BICRAL: variants seen among roughly 807,000 people sequenced by gnomAD.
BICRAL encodes BICRA like chromatin remodeling complex associated protein.
In BICRAL, 8 loss-of-function variants were observed where a neutral mutation model predicts 91.8. That is an observed-to-expected ratio of 0.09 (90% CI 0.05 to 0.16). The LOEUF (loss-of-function observed/expected upper bound fraction) is 0.16. BICRAL is among the 10% of genes least tolerant of loss of function. BICRAL has a pLI of 1.00. For missense variants in BICRAL, 1,038 were observed against 1,310.9 expected (o/e 0.79, Z 3.21); for synonymous variants, 445 against 491.1 (o/e 0.91, Z 1.24).
chr6:42,783,036 C>A (rs1376172422), intron 1 of BICRAL, among the ~76,000 whole-genome samples: 1 of 151,760 alleles, frequency 6.6e-6, no homozygotes, highest in Non-Finnish European at 1.5e-5. Context: ...TTCATCCTGG[C>A]TTCCCCATTC....
At chr6:42,860,416 C>T in intron 11 of BICRAL, 60 bp downstream of exon 11, 1 of 932,234 alleles carries the variant, frequency 1.1e-6, no homozygotes. Context: ...GCCACTAAAT[C>T]AGAGACAGAA....
intron 1 of BICRAL, among the ~76,000 whole-genome samples, chr6:42,786,531 T>G (rs1348210817): frequency 6.6e-6 from 1 of 152,196 alleles, no homozygotes; most frequent in Non-Finnish European, 1.5e-5. Context: ...TTAACCTTGT[T>G]GGAATTTTAA....
At chr6:42,833,119 G>A (rs907577032) in intron 6 of BICRAL, among the ~76,000 whole-genome samples, 4 of 149,306 alleles carry the variant, frequency 2.7e-5, no homozygotes, top group Non-Finnish European at 4.4e-5. Flanking sequence ...GCAGTAGCCC[G>A]ATCTCAGCTC....
chr6:42,837,263 C>T (rs1474900016), intron 6 of BICRAL, among the ~76,000 whole-genome samples: 1 of 151,794 alleles, frequency 6.6e-6, no homozygotes, highest in African/African-American at 2.4e-5. Context: ...TGTAATATTT[C>T]TATATAAATT....
chr6:42,853,580 A>G (rs1005624211), intron 7 of BICRAL, 58 bp from the exon 8 acceptor site: 18 of 1,260,094 alleles, frequency 1.4e-5, no homozygotes, highest in Non-Finnish European at 2.0e-5. Context: ...CTAGGGTTAT[A>G]TGATGGACCC....
At chr6:42,754,866 A>C (rs946213557) in intron 1 of BICRAL, among the ~76,000 whole-genome samples, 3 of 152,268 alleles carry the variant, frequency 2.0e-5, no homozygotes, top group African/African-American at 7.2e-5. Flanking sequence ...ACTGCACTTC[A>C]GCCTGGGCAA....
intron 2 of BICRAL, among the ~76,000 whole-genome samples, chr6:42,815,443 C>A (rs549460244): frequency 1.3e-5 from 2 of 152,056 alleles, no homozygotes; most frequent in African/African-American, 4.8e-5. Flanking sequence ...CCGCCCATCT[C>A]GGCCTCCCAA....
intron 1 of BICRAL, among the ~76,000 whole-genome samples, chr6:42,804,967 G>T (rs898317433): frequency 2.0e-5 from 3 of 152,158 alleles, no homozygotes; most frequent in Non-Finnish European, 4.4e-5. Flanking sequence ...CTCCCAGAGT[G>T]CTGGGATTAC....
At chr6:42,848,145 CAG>C (rs947202530) in intron 6 of BICRAL, among the ~76,000 whole-genome samples, 2 of 148,644 alleles carry the variant, frequency 1.3e-5, no homozygotes, top group African/African-American at 5.0e-5. Context: ...AAAAAAAAAA[CAG>C]AAAACAGAAA....
chr6:42,769,721 G>C lies in BICRAL; in HGVS notation c.-260-12118G>C, dbSNP rs556097689. Among the ~76,000 whole-genome samples the C allele has an allele frequency of 2.6e-5, 4 of 152,184 alleles. No homozygotes were observed. The South Asian group carries it at 8.3e-4, about 32-fold the overall frequency. On this transcript the variant is annotated intron_variant, in intron 1 of 14. Coordinates refer to the BICRAL transcript ENST00000614467. ...TACTGCTACCACATTTATCCTCATG[G>C]AATTCAAATCTGTTCATAGCATTCT...
In BICRAL at chr6:42,857,246, C is replaced by T; in HGVS notation, c.2254+10C>T. 2 of 1,609,098 alleles carry T rather than the reference C, an allele frequency of 1.2e-6. No individual in the cohort carries two copies. Among genetic ancestry groups the T allele is most frequent in the South Asian group, 1.1e-5 (1 of 90,712 alleles). On this transcript the variant is annotated intron_variant, in intron 10 of 12. Coordinates refer to ENST00000314073, the MANE Select transcript of BICRAL (RefSeq NM_001393499.1). ...GAAGACTTGAGAAAAGGTAAGCAGG[C>T]TGGGACCCTAAGGCACCACTCTGAT...
intron 8 of BICRAL, among the ~76,000 whole-genome samples, chr6:42,855,068 A>G (rs1765306260): frequency 6.6e-6 from 1 of 152,208 alleles, no homozygotes; most frequent in African/African-American, 2.4e-5. Context: ...GGATCTGTTC[A>G]GTTCTAAGGT....
chr6:42,867,155 T>C lies in BICRAL; in HGVS notation c.*1709T>C, dbSNP rs758819465. The C allele has an allele frequency of 1.1e-4, 26 of 230,830 alleles. No homozygotes were observed. In the Middle Eastern group the frequency reaches 4.7e-3, roughly 42 times the overall value. The allele number at this position is 230,830 out of a possible 1,614,324, so 14.3% of individuals were successfully genotyped here. A position where few individuals can be genotyped will look rare whatever the true frequency, so the allele number is the denominator to read the frequency against. The stretch of plus-strand genomic sequence containing the variant: ...TTGTCATCATGTTGGGCATTTCTTT[T>C]CCAGATTGGCCTGTGATGGAAAGGA... On this transcript the variant is annotated 3_prime_UTR_variant, in exon 13 of 13. Coordinates refer to ENST00000314073, the MANE Select transcript of BICRAL (RefSeq NM_001393499.1).
chr6:42,773,667 G>A (rs1299316013), intron 1 of BICRAL, among the ~76,000 whole-genome samples: 3 of 151,690 alleles, frequency 2.0e-5, no homozygotes, highest in Non-Finnish European at 2.9e-5. Flanking sequence ...GGCGCCCACC[G>A]CCACGCCCAG....
intron 1 of BICRAL, among the ~76,000 whole-genome samples, chr6:42,772,695 T>C (rs1405859130): frequency 6.6e-6 from 1 of 152,148 alleles, no homozygotes; most frequent in East Asian, 1.9e-4. Flanking sequence ...GATGAAGGTG[T>C]GACACAACCA....
rs779461468 is a variant in BICRAL, at chr6:42,857,141, A to G, written c.2159A>G (p.Lys720Arg). Reference protein sequence around the residue: ...RDQAHTVTPDKSHFRSLSDAV... With the variant: ...RDQAHTVTPDRSHFRSLSDAV... ...CAAGCCCACACTGTGACACCAGACA[A>G]AAGTCACTTCCGATCACTAAGTGAT... The change falls in exon 10 of 13, where the codon AAA (lysine) becomes AGA (arginine). Residue 720 changes from lysine to arginine, a missense_variant. By Grantham distance (26) the Lys-to-Arg change is conservative. This residue lies in a region of BICRAL where 532 missense variants were observed against 724.9 expected (regional missense o/e 0.73). Coordinates refer to ENST00000314073, the MANE Select transcript of BICRAL (RefSeq NM_001393499.1). 6.2e-7 allele frequency: 1 copy of G among 1,613,660 alleles called. No individual in the cohort carries two copies. The highest frequency in any genetic ancestry group is 8.5e-7 in the Non-Finnish European group (1 of 1,179,622).
intron 6 of BICRAL, among the ~76,000 whole-genome samples, chr6:42,847,984 C>T (rs1765068566): frequency 6.6e-6 from 1 of 152,054 alleles, no homozygotes; most frequent in African/African-American, 2.4e-5. Flanking sequence ...AAAAAATTAG[C>T]CCGGTATGGT....
intron 1 of BICRAL, among the ~76,000 whole-genome samples, chr6:42,747,546 A>G (rs1762299198): frequency 6.6e-6 from 1 of 152,146 alleles, no homozygotes; most frequent in South Asian, 2.1e-4. Flanking sequence ...ACTTAAAACA[A>G]ACAAAACACA....
chr6:42,788,467 G>A (rs1183479048), intron 1 of BICRAL, among the ~76,000 whole-genome samples: 2 of 151,852 alleles, frequency 1.3e-5, no homozygotes, highest in South Asian at 2.1e-4. Flanking sequence ...GGTGATCCAC[G>A]CACCTAGGCC....
Sources: allele counts gnomAD v4.1 joint callset (sites outside exome capture counted in the v4.1 genomes callset), GRCh38; gene constraint gnomAD v4.1.1; regional missense constraint gnomAD v4.1.1; transcripts MANE v1.5; gene names NCBI Gene and HGNC (gene_info 2026-07-23, HGNC 2026-07-21).